ZBTB7C: variants seen among roughly 807,000 people sequenced by gnomAD.
ZBTB7C encodes the protein zinc finger and BTB domain containing 7C, also known as zinc finger and BTB domain-containing protein 7C.
A neutral mutation model predicts 25.7 loss-of-function variants in ZBTB7C; 8 were observed. The ratio of observed to expected loss-of-function variants is 0.31; its 90% CI spans 0.18 to 0.56. The LOEUF (loss-of-function observed/expected upper bound fraction) is 0.56, where lower values mean the gene tolerates loss of function less well. Among genes scored for constraint, ZBTB7C ranks in the 20% least tolerant of loss-of-function variants. The pLI is 0.91. For missense variants in ZBTB7C, 824 were observed against 855.2 expected (o/e 0.96, Z 0.46); for synonymous variants, 394 against 369.0 (o/e 1.07, Z -0.78).
intron 3 of ZBTB7C, among the ~76,000 whole-genome samples, chr18:48,041,991 A>G (rs1450556314): frequency 6.6e-6 from 1 of 152,330 alleles, no homozygotes; most frequent in South Asian, 2.1e-4. Flanking sequence ...TACATAAAGT[A>G]TGGCCAGTGG....
intron 2 of ZBTB7C, among the ~76,000 whole-genome samples, chr18:48,197,533 G>A (rs2042345702): frequency 6.6e-6 from 1 of 152,138 alleles, no homozygotes; most frequent in Non-Finnish European, 1.5e-5. Context: ...GTCAGCTAGG[G>A]CTGCTGTCAC....
rs191848025 is a variant in ZBTB7C, at chr18:48,236,094, C to T, written c.-78-50099G>A. ...TCCTATTCAGCCTTCTGTGTCTCTT[C>T]GCATCTCTGGTATTTTCTTAATTTT... On this transcript the variant is annotated intron_variant, in intron 2 of 4. Coordinates refer to ENST00000590800, the MANE Select transcript of ZBTB7C (RefSeq NM_001318841.2). 1.7e-3 allele frequency among the ~76,000 whole-genome samples: 253 copies of T among 152,278 alleles called. 3 individuals carry two copies. Among genetic ancestry groups the T allele is most frequent in the African/African-American group, 5.5e-3 (229 of 41,550 alleles).
intron 2 of ZBTB7C, among the ~76,000 whole-genome samples, chr18:48,192,866 G>C (rs1166754730): frequency 6.6e-6 from 1 of 152,184 alleles, no homozygotes; most frequent in Non-Finnish European, 1.5e-5. Context: ...ACAAGGCGAG[G>C]GAGGGTATTG....
chr18:48,369,549 T>C (rs2047338114), intron 1 of ZBTB7C, among the ~76,000 whole-genome samples: 1 of 151,782 alleles, frequency 6.6e-6, no homozygotes, highest in Non-Finnish European at 1.5e-5. Flanking sequence ...AGTAAAAGGA[T>C]GAAGAAAAAG....
intron 3 of ZBTB7C, among the ~76,000 whole-genome samples, chr18:48,100,453 AGCTTGCTAATGGG>A (rs1229098623): frequency 2.0e-5 from 3 of 152,192 alleles, no homozygotes; most frequent in Non-Finnish European, 4.4e-5. Flanking sequence ...TTCCTCCTCC[AGCTTGCTAATGGG>A]GAAATAAATC....
intron 2 of ZBTB7C, among the ~76,000 whole-genome samples, chr18:48,321,658 G>A (rs1330797150): frequency 2.0e-5 from 3 of 152,098 alleles, no homozygotes; most frequent in Non-Finnish European, 4.4e-5. Context: ...GGTGAAAATG[G>A]TGCTGGGCTA....
At chr18:48,356,308 C>T (rs1395188296) in intron 1 of ZBTB7C, among the ~76,000 whole-genome samples, 1 of 152,186 alleles carries the variant, frequency 6.6e-6, no homozygotes, top group Non-Finnish European at 1.5e-5. Context: ...CCAAGGTTGC[C>T]AGCCAACAGC....
chr18:48,403,738 G>A (rs867065278), intron 1 of ZBTB7C, among the ~76,000 whole-genome samples: 4 of 152,120 alleles, frequency 2.6e-5, no homozygotes, highest in African/African-American at 4.8e-5. Flanking sequence ...CGCTGCTCAG[G>A]TGATGGGTGC....
chr18:48,124,781 A>G (rs757609976), intron 3 of ZBTB7C, among the ~76,000 whole-genome samples: 2 of 152,326 alleles, frequency 1.3e-5, no homozygotes, highest in Non-Finnish European at 2.9e-5. Context: ...GAAAGCAGGA[A>G]AGCAAGGACA....
At chr18:48,235,680 G>T (rs1013447760) in intron 2 of ZBTB7C, among the ~76,000 whole-genome samples, 1 of 151,876 alleles carries the variant, frequency 6.6e-6, no homozygotes, top group Non-Finnish European at 1.5e-5. Flanking sequence ...GTTTTTGTTT[G>T]TCCAAATTTT....
chr18:48,220,534 T>C (rs1195343657), intron 2 of ZBTB7C, among the ~76,000 whole-genome samples: 1 of 152,122 alleles, frequency 6.6e-6, no homozygotes, highest in Non-Finnish European at 1.5e-5. Context: ...CCACAGACCA[T>C]GGAGCTCAAA....
chr18:48,112,843 T>C (rs984278751), intron 3 of ZBTB7C, among the ~76,000 whole-genome samples: 2 of 152,202 alleles, frequency 1.3e-5, no homozygotes, highest in African/African-American at 4.8e-5. Context: ...TGGGATTACG[T>C]CCCTCTCTTC....
intron 3 of ZBTB7C, among the ~76,000 whole-genome samples, chr18:48,059,272 A>G (rs1274491000): frequency 1.3e-5 from 2 of 151,920 alleles, no homozygotes; most frequent in Non-Finnish European, 1.5e-5. Context: ...TAATTCCCCT[A>G]TATCTCCCAT....
At chr18:48,185,602 G>A (rs146906868) in intron 3 of ZBTB7C, 15 of 172,098 alleles carry the variant, frequency 8.7e-5, no homozygotes, top group African/African-American at 3.6e-4. Context: ...TGTACAAACT[G>A]TTTGTGGCCC....
rs1314275756 is a variant in ZBTB7C at position 48,131,415 on chromosome 18, A to G, written c.-17+54519T>C. Among the ~76,000 whole-genome samples, 3 of 152,298 alleles carry G rather than the reference A, an allele frequency of 2.0e-5. No individual in the cohort carries two copies. The East Asian group carries it at 5.8e-4, about 29-fold the overall frequency. ...CTCAGGTTTGGCTACACTGAACATGATGCCACAGAATGGCTAATGACCAGG... is the reference window on the plus strand; with the variant it reads ...CTCAGGTTTGGCTACACTGAACATGGTGCCACAGAATGGCTAATGACCAGG... On this transcript the variant is annotated intron_variant, in intron 3 of 4. Transcript: ENST00000590800.
intron 1 of ZBTB7C, among the ~76,000 whole-genome samples, chr18:48,370,951 C>T (rs768968751): frequency 1.3e-4 from 20 of 152,036 alleles, no homozygotes; most frequent in South Asian, 2.1e-4. Context: ...AATCCAGAAC[C>T]CACAAAGGAG....
At chr18:48,344,746 G>A (rs973282124) in intron 1 of ZBTB7C, among the ~76,000 whole-genome samples, 3 of 152,240 alleles carry the variant, frequency 2.0e-5, no homozygotes, top group African/African-American at 7.2e-5. Context: ...TCAAAAAGCA[G>A]ACTACCAATT....
Position 48,373,818 on chromosome 18 carries a change from A to T in ZBTB7C, c.-304+35408T>A, listed in dbSNP as rs1423861477. Among the ~76,000 whole-genome samples the T allele has an allele frequency of 3.3e-5, 5 of 152,110 alleles. No homozygotes were observed. The South Asian group carries it at 1.0e-3, about 32-fold the overall frequency. ...CTACTAAAAATACCAAAAATTAGCC[A>T]GGCATGGTGGCGGGGGCCTGTAGTC... On this transcript the variant is annotated intron_variant, in intron 1 of 4. Transcript: ENST00000590800.
chr18:48,142,530 C>T (rs902782332), intron 3 of ZBTB7C, among the ~76,000 whole-genome samples: 1 of 152,190 alleles, frequency 6.6e-6, no homozygotes, highest in African/African-American at 2.4e-5. Flanking sequence ...TGCTCACAGC[C>T]TGAGGGCCCC....
Sources: gnomAD v4.1 joint callset for allele counts (sites outside exome capture counted in the v4.1 genomes callset) on GRCh38, gnomAD v4.1.1 for gene constraint, MANE v1.5 for transcripts, NCBI Gene and HGNC (gene_info 2026-07-23, HGNC 2026-07-21) for gene names.